Variants in TCN2 observed in about 807,000 individuals in gnomAD.
TCN2 encodes the protein transcobalamin-2.
TCN2 carries 34 observed loss-of-function variants against 48.6 expected under a neutral mutation model. That is an observed-to-expected ratio of 0.70 (90% CI 0.53 to 0.93). TCN2 has a LOEUF of 0.93. Ranked by LOEUF, TCN2 falls within the 40% of genes least tolerant of loss-of-function variation. The pLI is 0.00. For missense variants in TCN2, 652 were observed against 526.1 expected (o/e 1.24, Z -2.34); for synonymous variants, 283 against 212.5 (o/e 1.33, Z -2.89).
In TCN2 at chr22:30,615,478, GAA is replaced by G; in HGVS notation, c.753+7_753+8del. The G allele has an allele frequency of 6.2e-7, 1 of 1,614,066 alleles. No individual in the cohort carries two copies. The highest frequency in any genetic ancestry group is 8.5e-7 in the Non-Finnish European group (1 of 1,180,002). ...AGCACCCCATTGGCATTACAGGTGG[GAA>G]AGAGACCCTGGAGCCATGGCCACCC... is the stretch of plus-strand genomic sequence containing the variant. On this transcript the variant is annotated splice_donor_region_variant and intron_variant, in intron 5 of 8. Transcript: ENST00000215838.
rs375476510 is a variant in TCN2, at chr22:30,607,389, A to T, written c.58A>T (p.Met20Leu). 1 of 1,613,950 alleles carries T rather than the reference A, an allele frequency of 6.2e-7. No homozygotes were observed. Residue 20 changes from methionine to leucine, a missense_variant, in exon 1 of 9, where the codon ATG (methionine) becomes TTG (leucine). Coordinates refer to ENST00000215838, the MANE Select transcript of TCN2 (RefSeq NM_000355.4). Reference sequence around the variant, plus strand: ...GGGGGTCCTGGGGGCCCTCACTGAGATGTGTGGTGAGTAACTCGCCTCTAT... The same window carrying T: ...GGGGGTCCTGGGGGCCCTCACTGAGTTGTGTGGTGAGTAACTCGCCTCTAT... Reference protein sequence around the residue: ...LLGVLGALTEMCEIPEMDSHL... With the variant: ...LLGVLGALTELCEIPEMDSHL...
chr22:30,623,773 CACATATATATGTAT>C lies in TCN2; in HGVS notation c.1222+700_1222+713del, dbSNP rs1569046353. Among the ~76,000 whole-genome samples, 142 of 67,202 alleles carry C rather than the reference CACATATATATGTAT, an allele frequency of 2.1e-3. 17 individuals are homozygous for C. The highest frequency in any genetic ancestry group is 7.4e-3 in the Middle Eastern group (1 of 136). 44.1% of individuals were successfully genotyped at this position (67,202 alleles called of 152,430 possible). On this transcript the variant is annotated intron_variant, in intron 8 of 8. Transcript: ENST00000215838. ...ACATATATATGTATATATATATACA[CACATATATATGTAT>C]ACATATATACACACATACACATATA...
intron 7 of TCN2, among the ~76,000 whole-genome samples, chr22:30,621,861 C>T (rs1033623923): frequency 1.3e-5 from 2 of 152,120 alleles, no homozygotes; most frequent in Non-Finnish European, 2.9e-5. Context: ...CTCCTCTCAG[C>T]TCTGCCCCGC....
chr22:30,626,234 C>A (rs1345518589), intron 8 of TCN2, among the ~76,000 whole-genome samples: 1 of 152,054 alleles, frequency 6.6e-6, no homozygotes, highest in Middle Eastern at 3.2e-3. Context: ...AGTGGCCCTG[C>A]CTGTCAGGTG....
intron 1 of TCN2, 89 bp downstream of exon 1, chr22:30,607,484 T>C: frequency 7.0e-7 from 1 of 1,431,184 alleles, no homozygotes; most frequent in Non-Finnish European, 9.8e-7. Context: ...TTACCTGCCC[T>C]TCTAAGCTCC....
intron 4 of TCN2, among the ~76,000 whole-genome samples, 183 bp from the exon 5 acceptor site, chr22:30,615,118 G>A (rs776330011): frequency 2.6e-5 from 4 of 152,118 alleles, no homozygotes; most frequent in Non-Finnish European, 4.4e-5. Context: ...TCAGAGTCCA[G>A]ACAAGGAAAG....
chr22:30,608,475 C>T (rs2087485613), intron 1 of TCN2, among the ~76,000 whole-genome samples: 1 of 151,662 alleles, frequency 6.6e-6, no homozygotes. Context: ...GCAGCCTCTG[C>T]CTTGTGGGTT....
intron 8 of TCN2, among the ~76,000 whole-genome samples, chr22:30,624,174 A>G (rs2087769481): frequency 6.6e-6 from 1 of 150,794 alleles, no homozygotes; most frequent in Admixed American, 6.6e-5. Flanking sequence ...TTCTGAGCTC[A>G]AGCAATTCTC....
chr22:30,617,531 A>G (rs780688529), intron 7 of TCN2, 36 bp downstream of exon 7: 3 of 1,613,308 alleles, frequency 1.9e-6, no homozygotes, highest in Non-Finnish European at 2.5e-6. Context: ...ACCCCACCCA[A>G]CCTCACATGC....
At position 30,617,930 on chromosome 22, in the gene TCN2, TTTTG is replaced by T. The variant is rs568330628; in HGVS notation, c.1106+455_1106+458del. Reference sequence around the variant, plus strand: ...TGCTTTCATCAGAGTAAGAACTGTTTTTTGTTTGTTTGTTTGTTTGTTTTTAAGA... The same window carrying T: ...TGCTTTCATCAGAGTAAGAACTGTTTTTTGTTTGTTTGTTTGTTTTTAAGA... On this transcript the variant is annotated intron_variant, in intron 7 of 8. Transcript: ENST00000215838. Among the ~76,000 whole-genome samples, 64 of 152,164 alleles carry T rather than the reference TTTTG, an allele frequency of 4.2e-4. No individual in the cohort carries two copies. The Middle Eastern group carries it at 0.01, about 24-fold the overall frequency.
Position 30,626,706 on chromosome 22 carries a change from C to G in TCN2, c.*185C>G. 1.5e-6 allele frequency: 1 copy of G among 678,504 alleles called. No individual in the cohort carries two copies. Among genetic ancestry groups the G allele is most frequent in the South Asian group, 1.7e-5 (1 of 58,954 alleles). The allele number at this position is 678,504 out of a possible 1,614,324, so 42.0% of individuals were successfully genotyped here. A position where few individuals can be genotyped will look rare whatever the true frequency, so the allele number is the denominator to read the frequency against. The stretch of plus-strand genomic sequence containing the variant: ...CCCTATACCATGGCCCACCTTGGAG[C>G]AGAGAGCCAAGCATCTTCCCTGGGA... On this transcript the variant is annotated 3_prime_UTR_variant, in exon 9 of 9. Coordinates refer to ENST00000215838, the MANE Select transcript of TCN2 (RefSeq NM_000355.4).
intron 2 of TCN2, among the ~76,000 whole-genome samples, chr22:30,611,585 C>G (rs549966261): frequency 2.0e-5 from 3 of 152,324 alleles, no homozygotes; most frequent in South Asian, 2.1e-4. Context: ...TTGGCTTGCC[C>G]CAACCTCCAA....
intron 7 of TCN2, among the ~76,000 whole-genome samples, chr22:30,619,001 C>T (rs1273822806): frequency 6.6e-6 from 1 of 152,096 alleles, no homozygotes. Flanking sequence ...AGCTCTTGAC[C>T]TCAAGTGATA....
Position 30,614,442 on chromosome 22 carries a change from G to A in TCN2, c.521G>A (p.Ser174Asn), listed in dbSNP as rs375193056. Residue 174 changes from serine (S) to asparagine (N), a missense_variant, in exon 4 of 9, where the codon AGC (serine) becomes AAC (asparagine). Transcript: ENST00000215838. ...LCLHQKRVHD[S>N]VVDKLLYAVE... is the part of the protein sequence containing the mutation. ...CTCCACCAGAAGCGGGTCCATGACA[G>A]CGTGGTGGACAAACTTCTGTATGCT... 13 of 1,614,076 alleles carry A rather than the reference G, an allele frequency of 8.1e-6. No individual in the cohort carries two copies. The African/African-American group carries it at 1.6e-4, about 20-fold the overall frequency.
At chr22:30,615,532 C>G in intron 5 of TCN2, 59 bp downstream of exon 5, 2 of 1,613,680 alleles carry the variant, frequency 1.2e-6, no homozygotes, top group Non-Finnish European at 1.7e-6. Flanking sequence ...GTGGAGTGGT[C>G]AGGTGCTGGA....
At chr22:30,621,241 C>T (rs1254386614) in intron 7 of TCN2, among the ~76,000 whole-genome samples, 1 of 152,136 alleles carries the variant, frequency 6.6e-6, no homozygotes, top group African/African-American at 2.4e-5. Flanking sequence ...GATCCACCCA[C>T]CTCCGCCTCC....
At chr22:30,621,508 A>AGTC (rs1466154678) in intron 7 of TCN2, among the ~76,000 whole-genome samples, 1 of 152,072 alleles carries the variant, frequency 6.6e-6, no homozygotes, top group African/African-American at 2.4e-5. Flanking sequence ...TTTGAGAAGC[A>AGTC]GTCTTGCTCT....
chr22:30,611,868 TTGAA>T (rs762410134), intron 2 of TCN2, among the ~76,000 whole-genome samples: 5 of 152,130 alleles, frequency 3.3e-5, no homozygotes, highest in African/African-American at 1.2e-4. Flanking sequence ...GTTTTGGGGT[TTGAA>T]TGAGAGGCGA....
chr22:30,626,340 C>T, intron 8 of TCN2, 120 bp from the exon 9 acceptor site: 3 of 1,081,368 alleles, frequency 2.8e-6, no homozygotes, highest in Non-Finnish European at 4.2e-6. Context: ...AGCTTCCCAC[C>T]ACCAAGCCCC....
Sources: allele counts gnomAD v4.1 joint callset (sites outside exome capture counted in the v4.1 genomes callset), GRCh38; gene constraint gnomAD v4.1.1; transcripts MANE v1.5; gene names NCBI Gene and HGNC (gene_info 2026-07-23, HGNC 2026-07-21).